XPO7: variants seen among roughly 807,000 people sequenced by gnomAD.
XPO7 encodes the protein exportin 7.
Under a neutral mutation model 144.3 loss-of-function variants are expected in XPO7, and 21 were observed. That is an observed-to-expected ratio of 0.15 (90% CI 0.10 to 0.21). The LOEUF is 0.21. Among genes scored for constraint, XPO7 ranks in the 10% least tolerant of loss-of-function variants. The probability of loss-of-function intolerance (pLI) is 1.00; values close to 1 mark genes in which losing one functional copy is unlikely to be tolerated. For missense variants in XPO7, 808 were observed against 1,325.8 expected (o/e 0.61, Z 6.06); for synonymous variants, 580 against 499.6 (o/e 1.16, Z -2.15).
chr8:22,004,065 C>T, intron 27 of XPO7, 35 bp downstream of exon 27: 1 of 1,609,502 alleles, frequency 6.2e-7, no homozygotes, highest in Non-Finnish European at 8.5e-7. Context: ...AAATCTCAGA[C>T]AATTGCTATT....
chr8:22,003,743 A>T (rs1255238326), intron 26 of XPO7, among the ~76,000 whole-genome samples, 160 bp from the exon 27 acceptor site: 2 of 152,194 alleles, frequency 1.3e-5, no homozygotes, highest in East Asian at 3.8e-4. Context: ...AAGCCATATT[A>T]TCCCACAAGT....
At chr8:22,001,225 G>A (rs973950318) in intron 24 of XPO7, among the ~76,000 whole-genome samples, 5 of 151,640 alleles carry the variant, frequency 3.3e-5, no homozygotes, top group Non-Finnish European at 7.4e-5. Context: ...AGAATCACTT[G>A]AACCCGGGAA....
chr8:21,940,605 A>G (rs1810959286), intron 1 of XPO7, among the ~76,000 whole-genome samples: 2 of 151,916 alleles, frequency 1.3e-5, no homozygotes, highest in South Asian at 4.2e-4. Flanking sequence ...AGTAGCTGGA[A>G]TTACAGGTGC....
Position 21,957,693 on chromosome 8 carries a change from C to T in XPO7, c.19-9164C>T, listed in dbSNP as rs139376379. On this transcript the variant is annotated intron_variant, in intron 1 of 27. Transcript: ENST00000252512. ...TCCTTTGGAAGCTTTAAGAGTTAGA[C>T]TTATCCAATGTTAAGACGTTCTTAT... Among the ~76,000 whole-genome samples the T allele has an allele frequency of 4.5e-3, 681 of 152,312 alleles. 6 individuals are homozygous for T. Among genetic ancestry groups the T allele is most frequent in the African/African-American group, 0.015 (639 of 41,554 alleles).
At position 21,989,002 on chromosome 8, in the gene XPO7, GC is replaced by G; in HGVS notation, c.1788del (p.Ile597SerfsTer4). On this transcript the variant is annotated frameshift_variant and splice_region_variant, in exon 16 of 28. Coordinates refer to ENST00000252512, the MANE Select transcript of XPO7 (RefSeq NM_015024.5). LOFTEE classifies it high-confidence loss of function. The part of the protein sequence containing the change: ...TMVLSVFIGK[I>X]ITNLKYWGRC... ...CTTTTTTTTTTCTTTTTGTCCTCCA[GC>G]ATCACCAACTTGAAGTACTGGGGCC... is the stretch of plus-strand genomic sequence containing the variant. The G allele has an allele frequency of 6.2e-7, 1 of 1,612,028 alleles. No homozygotes were observed.
intron 1 of XPO7, among the ~76,000 whole-genome samples, chr8:21,951,844 A>C (rs922938933): frequency 6.6e-6 from 1 of 152,178 alleles, no homozygotes; most frequent in Non-Finnish European, 1.5e-5. Flanking sequence ...GTCTTACATT[A>C]ATTACGAGTC....
intron 19 of XPO7, among the ~76,000 whole-genome samples, chr8:21,993,144 C>T (rs894542046): frequency 2.0e-5 from 3 of 150,288 alleles, no homozygotes; most frequent in African/African-American, 7.3e-5. Context: ...AACATATTAC[C>T]AACTTTAGGC....
chr8:21,981,690 G>C (rs1355464258), intron 9 of XPO7, 41 bp from the exon 10 acceptor site: 1 of 1,610,154 alleles, frequency 6.2e-7, no homozygotes, highest in Non-Finnish European at 8.5e-7. Flanking sequence ...AGTATGTTAA[G>C]GCACATTTTA....
At chr8:21,923,950 C>T (rs974976807) in intron 1 of XPO7, among the ~76,000 whole-genome samples, 3 of 152,074 alleles carry the variant, frequency 2.0e-5, no homozygotes, top group Non-Finnish European at 2.9e-5. Flanking sequence ...TTTAAAACAC[C>T]TAACATTATC....
chr8:21,931,492 G>A (rs1810649431), intron 1 of XPO7, among the ~76,000 whole-genome samples: 1 of 152,220 alleles, frequency 6.6e-6, no homozygotes, highest in Non-Finnish European at 1.5e-5. Flanking sequence ...CAAGACTTGA[G>A]TGAAACACTG....
intron 1 of XPO7, among the ~76,000 whole-genome samples, chr8:21,951,789 A>G (rs958825007): frequency 1.1e-4 from 17 of 151,922 alleles, no homozygotes; most frequent in Non-Finnish European, 2.1e-4. Context: ...AGTATTTTGG[A>G]AAATTCTTTA....
chr8:22,005,072 A>G lies in XPO7; in HGVS notation c.3248A>G (p.Asn1083Ser). 5 of 1,613,250 alleles carry G rather than the reference A, an allele frequency of 3.1e-6. No homozygotes were observed. The highest frequency in any genetic ancestry group is 3.3e-4 in the Middle Eastern group (2 of 6,056). ...AATTCCACTTATGGCGTGAATAGCA[A>G]TGACATGATGAGCTGACACCTCCTT... ...MKNSTYGVNSNDMMS is the reference protein window; with the variant it reads ...MKNSTYGVNSSDMMS The change falls in exon 28 of 28, where the codon AAT (asparagine) becomes AGT (serine). Residue 1083 changes from asparagine (N) to serine (S), a missense_variant. Asn to Ser is a conservative substitution (Grantham distance 46). Around this residue, in one of 5 missense-constraint regions of XPO7, gnomAD observed 140 missense variants for 237.9 expected, o/e 0.59. Coordinates refer to ENST00000252512, the MANE Select transcript of XPO7 (RefSeq NM_015024.5).
At position 22,003,842 on chromosome 8, in the gene XPO7, C is replaced by T. The variant is rs533707169; in HGVS notation, c.3043-61C>T. 2.1e-4 allele frequency: 343 copies of T among 1,604,828 alleles called. 1 individual carries two copies. Among genetic ancestry groups the T allele is most frequent in the South Asian group, 4.0e-4 (36 of 90,352 alleles). On this transcript the variant is annotated intron_variant, in intron 26 of 27. Coordinates refer to ENST00000252512, the MANE Select transcript of XPO7 (RefSeq NM_015024.5). Reference sequence around the variant, plus strand: ...GAACATTCTTCAACCCTGCAGATGACGGAGGGCTAATCTGCCTTCCCCTGC... The same window carrying T: ...GAACATTCTTCAACCCTGCAGATGATGGAGGGCTAATCTGCCTTCCCCTGC...
In XPO7 at chr8:21,994,431, C is replaced by A; in HGVS notation, c.2217C>A (p.Phe739Leu). 6.2e-7 allele frequency: 1 copy of A among 1,611,868 alleles called. No homozygotes were observed. The highest frequency in any genetic ancestry group is 1.1e-5 in the South Asian group (1 of 90,954). ...IAFAFNAKTS[F>L]MMLFEWIYPS... ...TCGCTTTCAATGCCAAGACCAGCTT[C>A]ATGATGCTCTTTGAATGGATGTATC... Residue 739 changes from phenylalanine (F) to leucine (L), a missense_variant, in exon 20 of 28, where the codon TTC becomes TTA. This residue lies in a region of XPO7 where 416 missense variants were observed against 612.5 expected (regional missense o/e 0.68). Coordinates refer to ENST00000252512, the MANE Select transcript of XPO7 (RefSeq NM_015024.5).
chr8:21,925,266 A>G (rs1374719324), intron 1 of XPO7, among the ~76,000 whole-genome samples: 1 of 152,220 alleles, frequency 6.6e-6, no homozygotes, highest in Admixed American at 6.5e-5. Context: ...TATTTGCTTC[A>G]ATGGCTGTTC....
At chr8:21,923,632 A>G (rs886873227) in intron 1 of XPO7, among the ~76,000 whole-genome samples, 1 of 152,232 alleles carries the variant, frequency 6.6e-6, no homozygotes, top group Non-Finnish European at 1.5e-5. Flanking sequence ...AAAACAAAAT[A>G]CAGTACAGTG....
intron 1 of XPO7, among the ~76,000 whole-genome samples, chr8:21,936,918 G>A (rs1810840196): frequency 6.6e-6 from 1 of 152,144 alleles, no homozygotes. Context: ...GGGAAGCATT[G>A]TTGAGTGGTT....
At chr8:21,985,522 A>C in intron 12 of XPO7, 64 bp from the exon 13 acceptor site, 1 of 1,438,918 alleles carries the variant, frequency 6.9e-7, no homozygotes, top group Admixed American at 1.7e-5. Flanking sequence ...AAGGAAGTTC[A>C]GAGTGAGGAA....
intron 4 of XPO7, 36 bp from the exon 5 acceptor site, chr8:21,971,840 T>A: frequency 6.3e-7 from 1 of 1,582,270 alleles, no homozygotes; most frequent in Non-Finnish European, 8.6e-7. Flanking sequence ...CAAGCACACA[T>A]GACAACTCTT....
Sources: gnomAD v4.1 joint callset for allele counts (sites outside exome capture counted in the v4.1 genomes callset) on GRCh38, gnomAD v4.1.1 for gene constraint, gnomAD v4.1.1 regional missense constraint, MANE v1.5 for transcripts, NCBI Gene and HGNC (gene_info 2026-07-23, HGNC 2026-07-21) for gene names.